The following PDE8B variants were observed in gnomAD, a reference collection of about 807,000 sequenced individuals.
PDE8B encodes high affinity cAMP-specific and IBMX-insensitive 3',5'-cyclic phosphodiesterase 8B.
Under a neutral mutation model 101.3 loss-of-function variants are expected in PDE8B, and 26 were observed. The observed-to-expected ratio is 0.26, with a 90% CI of 0.19 to 0.36. PDE8B has a LOEUF of 0.36. Among genes scored for constraint, PDE8B ranks in the 10% least tolerant of loss-of-function variants. The pLI is 1.00. For missense variants in PDE8B, 810 were observed against 1,163.1 expected (o/e 0.70, Z 4.42); for synonymous variants, 424 against 429.3 (o/e 0.99, Z 0.15).
chr5:77,170,397 T>C, the PDE8B span, among the ~76,000 whole-genome samples: 3 of 151,946 alleles, frequency 2.0e-5, no homozygotes, highest in Non-Finnish European at 1.5e-5. Context: ...CACAGAGCAG[T>C]GGGATAAAAG....
intron 1 of PDE8B, among the ~76,000 whole-genome samples, chr5:77,242,472 A>G (rs1329600437): frequency 6.6e-6 from 1 of 152,168 alleles, no homozygotes; most frequent in Non-Finnish European, 1.5e-5. Flanking sequence ...GTGGAGATCC[A>G]GTGCTGTTTG....
chr5:77,242,700 C>A (rs949614558), intron 1 of PDE8B, among the ~76,000 whole-genome samples: 2 of 152,164 alleles, frequency 1.3e-5, no homozygotes, highest in African/African-American at 4.8e-5. Context: ...GAGGCGGAGT[C>A]TCCCTCTGTC....
chr5:77,224,388 G>A (rs1751880589), intron 1 of PDE8B, among the ~76,000 whole-genome samples: 1 of 152,146 alleles, frequency 6.6e-6, no homozygotes, highest in South Asian at 2.1e-4. Context: ...AATGTAGTGA[G>A]AATAGGATAG....
At chr5:77,107,963 G>A in the PDE8B span, among the ~76,000 whole-genome samples, 1 of 152,224 alleles carries the variant, frequency 6.6e-6, no homozygotes, top group East Asian at 1.9e-4. Flanking sequence ...TGACCCAGCA[G>A]CATGCTTTCT....
At chr5:77,332,451 A>G (rs1777319459) in intron 5 of PDE8B, among the ~76,000 whole-genome samples, 1 of 152,200 alleles carries the variant, frequency 6.6e-6, no homozygotes, top group Non-Finnish European at 1.5e-5. Context: ...CTGATATTCA[A>G]CTTGAAGATT....
intron 2 of PDE8B, among the ~76,000 whole-genome samples, chr5:77,321,594 TG>T (rs1775085917): frequency 6.6e-6 from 1 of 152,314 alleles, no homozygotes; most frequent in East Asian, 1.9e-4. Context: ...TTGGGCTACT[TG>T]GATCTACTTC....
At chr5:77,141,476 A>G in the PDE8B span, 2 of 152,182 alleles carry the variant, frequency 1.3e-5, no homozygotes, top group African/African-American at 2.4e-5. Context: ...TTGAATCTCA[A>G]CTGTATCCAA....
the PDE8B span, among the ~76,000 whole-genome samples, chr5:77,128,439 A>G: frequency 1.3e-5 from 2 of 152,230 alleles, no homozygotes; most frequent in Non-Finnish European, 2.9e-5. Flanking sequence ...TCCAAAGGGA[A>G]CCTCAGAAGT....
At chr5:77,278,377 T>C (rs1226226537) in intron 1 of PDE8B, among the ~76,000 whole-genome samples, 1 of 152,234 alleles carries the variant, frequency 6.6e-6, no homozygotes, top group Non-Finnish European at 1.5e-5. Flanking sequence ...AACTACTGTG[T>C]TCTCATGAGA....
chr5:77,350,417 T>C (rs372172498), intron 8 of PDE8B, among the ~76,000 whole-genome samples: 1 of 152,178 alleles, frequency 6.6e-6, no homozygotes. Context: ...TTAGCCACCT[T>C]ATGTGATAGA....
chr5:77,360,487 C>G (rs1782902741), intron 10 of PDE8B, among the ~76,000 whole-genome samples: 1 of 152,168 alleles, frequency 6.6e-6, no homozygotes, highest in Non-Finnish European at 1.5e-5. Flanking sequence ...CAGTTGGTGG[C>G]TGACTTTTCA....
intron 10 of PDE8B, among the ~76,000 whole-genome samples, chr5:77,365,870 G>A (rs1784031628): frequency 6.6e-6 from 1 of 152,214 alleles, no homozygotes; most frequent in Admixed American, 6.5e-5. Context: ...TTCCGTAGGG[G>A]TAGATGATGT....
the PDE8B span, among the ~76,000 whole-genome samples, chr5:77,150,142 C>T: frequency 6.6e-6 from 1 of 152,160 alleles, no homozygotes; most frequent in Admixed American, 6.5e-5. Context: ...TCCATATAAG[C>T]TCATATCACA....
rs185120379 is a variant in PDE8B at position 77,380,252 on chromosome 5, T to C, written c.1168-19996T>C. On this transcript the variant is annotated intron_variant, in intron 10 of 21. Coordinates refer to ENST00000264917, the MANE Select transcript of PDE8B (RefSeq NM_003719.5). ...AAACATTTAAAAATCACTTCCTGTT[T>C]CATTGCAAATGTGTGTAAGAATATG... Among the ~76,000 whole-genome samples, 95 of 152,382 alleles carry C rather than the reference T, an allele frequency of 6.2e-4. 2 individuals are homozygous for C. Among genetic ancestry groups the C allele is most frequent in the Non-Finnish European group, 1.8e-4 (12 of 68,036 alleles).
chr5:77,094,659 G>A, the PDE8B span, among the ~76,000 whole-genome samples: 2 of 152,074 alleles, frequency 1.3e-5, no homozygotes, highest in Non-Finnish European at 2.9e-5. Flanking sequence ...CTGAAAGGAG[G>A]TTTATTTGAC....
chr5:77,366,325 C>T (rs1259146774), intron 10 of PDE8B, among the ~76,000 whole-genome samples: 1 of 152,220 alleles, frequency 6.6e-6, no homozygotes, highest in Non-Finnish European at 1.5e-5. Context: ...CACTACTGGG[C>T]TCTCAGGAGA....
At chr5:77,402,174 G>T (rs1216727970) in intron 11 of PDE8B, among the ~76,000 whole-genome samples, 1 of 152,064 alleles carries the variant, frequency 6.6e-6, no homozygotes, top group African/African-American at 2.4e-5. Flanking sequence ...CAAGTGAGCA[G>T]TATTAGTTTC....
chr5:77,109,666 G>A, the PDE8B span, among the ~76,000 whole-genome samples: 2 of 152,186 alleles, frequency 1.3e-5, no homozygotes, highest in African/African-American at 2.4e-5. Flanking sequence ...GCAAAGCCAG[G>A]TACAACACCA....
intron 3 of PDE8B, 76 bp downstream of exon 3, chr5:77,325,805 T>G: frequency 1.0e-6 from 1 of 1,002,284 alleles, no homozygotes; most frequent in Non-Finnish European, 1.6e-6. Flanking sequence ...TAGATATCTT[T>G]AGTTTATTTC....
Sources: gnomAD v4.1 joint callset for allele counts (sites outside exome capture counted in the v4.1 genomes callset) on GRCh38, gnomAD v4.1.1 for gene constraint, MANE v1.5 for transcripts, NCBI Gene and HGNC (gene_info 2026-07-23, HGNC 2026-07-21) for gene names.